EML1: variants seen among roughly 807,000 people sequenced by gnomAD.
EML1 encodes the protein EMAP like 1, also known as echinoderm microtubule-associated protein-like 1.
A neutral mutation model predicts 110.4 loss-of-function variants in EML1; 27 were observed. The observed-to-expected ratio is 0.24, with a 90% confidence interval of 0.18 to 0.34. The LOEUF (loss-of-function observed/expected upper bound fraction) is 0.34. EML1 is among the 10% of genes least tolerant of loss of function. EML1 has a pLI of 1.00. For missense variants in EML1, 741 were observed against 1,030.9 expected (o/e 0.72, Z 3.85); for synonymous variants, 344 against 385.8 (o/e 0.89, Z 1.27).
At chr14:99,890,601 G>A (rs10162352) in intron 4 of EML1, among the ~76,000 whole-genome samples, 4,732 of 152,240 alleles carry the variant, frequency 0.031, 235 homozygotes, top group African/African-American at 0.11. Flanking sequence ...CTGTCATGGG[G>A]TGGTCTCACC....
At chr14:99,855,134 A>C (rs1595384486) in intron 2 of EML1, among the ~76,000 whole-genome samples, 2 of 152,234 alleles carry the variant, frequency 1.3e-5, no homozygotes, top group African/African-American at 4.8e-5. Flanking sequence ...TACGCATTAC[A>C]TTGAGTCAAA....
At position 99,920,829 on chromosome 14, in the gene EML1, G is replaced by A. The variant is rs761460826; in HGVS notation, c.1861G>A (p.Val621Ile). ...CACAGAAACAAAAGACTTGGTCACC[G>A]TTCACACAGATGGAAACGAACAGCT... The part of the protein sequence containing the change: ...FDTETKDLVT[V>I]HTDGNEQLSV... Residue 621 changes from valine (V) to isoleucine (I), a missense_variant, in exon 17 of 22, where the codon GTT becomes ATT. Val to Ile is a conservative substitution (Grantham distance 29). This residue lies in a region of EML1 where 388 missense variants were observed against 605.6 expected (regional missense o/e 0.64). Coordinates refer to ENST00000262233, the MANE Select transcript of EML1 (RefSeq NM_004434.3). 1.4e-5 allele frequency: 23 copies of A among 1,613,724 alleles called. No homozygotes were observed. The highest frequency in any genetic ancestry group is 3.3e-4 in the Middle Eastern group (2 of 6,084).
At chr14:99,816,203 G>A (rs932296434) in intron 1 of EML1, among the ~76,000 whole-genome samples, 4 of 152,198 alleles carry the variant, frequency 2.6e-5, no homozygotes, top group Non-Finnish European at 4.4e-5. Flanking sequence ...TCACTCTGTC[G>A]CCCAGGCTGC....
intron 1 of EML1, among the ~76,000 whole-genome samples, chr14:99,820,292 A>G (rs1051041485): frequency 3.9e-5 from 6 of 152,240 alleles, no homozygotes; most frequent in South Asian, 2.1e-4. Context: ...AGTGAATTGT[A>G]TGGCACGTTG....
chr14:99,878,819 G>A (rs575229600), intron 4 of EML1, among the ~76,000 whole-genome samples, 200 bp downstream of exon 4: 9 of 142,862 alleles, frequency 6.3e-5, no homozygotes, highest in Non-Finnish European at 1.1e-4. Context: ...ACAAACTACC[G>A]TCCAGGTGGA....
chr14:99,894,427 CAGA>C, intron 5 of EML1, 199 bp from the exon 6 acceptor site: 1 of 487,962 alleles, frequency 2.0e-6, no homozygotes, highest in East Asian at 4.1e-5. Context: ...CTTAAGTAAA[CAGA>C]ATATCAAAAG....
At chr14:99,803,999 G>A (rs1484402652) in intron 1 of EML1, among the ~76,000 whole-genome samples, 1 of 152,178 alleles carries the variant, frequency 6.6e-6, no homozygotes, top group African/African-American at 2.4e-5. Flanking sequence ...GCTCCCAGGG[G>A]ACTGTATGGA....
chr14:99,749,680 T>C (rs1375955621), intron 1 of EML1, among the ~76,000 whole-genome samples: 1 of 152,184 alleles, frequency 6.6e-6, no homozygotes, highest in Non-Finnish European at 1.5e-5. Flanking sequence ...CAAACCCATG[T>C]AGACAGGGAC....
At chr14:99,924,564 G>A (rs2060199449) in intron 17 of EML1, among the ~76,000 whole-genome samples, 2 of 152,168 alleles carry the variant, frequency 1.3e-5, no homozygotes, top group South Asian at 4.1e-4. Context: ...TCAGAATACT[G>A]TATTATACGT....
At chr14:99,808,418 TTTC>T (rs1261776152) in intron 1 of EML1, among the ~76,000 whole-genome samples, 1 of 152,178 alleles carries the variant, frequency 6.6e-6, no homozygotes, top group Non-Finnish European at 1.5e-5. Context: ...ACCAGAAACA[TTTC>T]TTCATTGTGT....
intron 1 of EML1, chr14:99,838,916 C>CGCGCGCGT (rs1566891423): frequency 2.4e-5 from 1 of 41,744 alleles, no homozygotes; most frequent in Non-Finnish European, 5.9e-5. Flanking sequence ...TGCGCGCGCG[C>CGCGCGCGT]GCGTGTGTGT....
At chr14:99,865,037 A>G (rs571945798) in intron 2 of EML1, among the ~76,000 whole-genome samples, 3 of 152,228 alleles carry the variant, frequency 2.0e-5, no homozygotes, top group African/African-American at 7.2e-5. Flanking sequence ...CAAGCATGGT[A>G]CATTTATTGT....
At chr14:99,856,577 A>C (rs1421024180) in intron 2 of EML1, among the ~76,000 whole-genome samples, 1 of 152,204 alleles carries the variant, frequency 6.6e-6, no homozygotes, top group Non-Finnish European at 1.5e-5. Context: ...TTCTCCTTAC[A>C]AATTGGCAAA....
Position 99,798,392 on chromosome 14 carries a change from C to CTT in EML1, c.67+4865_67+4866dup, listed in dbSNP as rs374969316. On this transcript the variant is annotated intron_variant, in intron 1 of 21. Coordinates refer to ENST00000262233, the MANE Select transcript of EML1 (RefSeq NM_004434.3). ...CACCTCCCTTATTCCAAAGTCTATACTTTTTTTTTTTTTTTTTCGAGACAG... is the reference window on the plus strand; with the variant it reads ...CACCTCCCTTATTCCAAAGTCTATACTTTTTTTTTTTTTTTTTTTCGAGACAG... Among the ~76,000 whole-genome samples, 452 of 130,978 alleles carry CTT rather than the reference C, an allele frequency of 3.5e-3. 11 individuals carry two copies. The highest frequency in any genetic ancestry group is 0.01 in the South Asian group (41 of 4,022). 85.9% of individuals were successfully genotyped at this position (130,978 alleles called of 152,430 possible). A position where few individuals can be genotyped will look rare whatever the true frequency, so the allele number is the denominator to read the frequency against.
At chr14:99,783,683 C>A (rs1384185663) in intron 1 of EML1, among the ~76,000 whole-genome samples, 1 of 150,020 alleles carries the variant, frequency 6.7e-6, no homozygotes, top group Non-Finnish European at 1.5e-5. Context: ...AGGGGTTTCA[C>A]CACATTGGCC....
chr14:99,768,152 A>G (rs544223309), upstream of EML1, among the ~76,000 whole-genome samples: 2 of 152,332 alleles, frequency 1.3e-5, no homozygotes, highest in East Asian at 1.9e-4. Flanking sequence ...AAGGGTGCAC[A>G]TTGAATGTAA....
At chr14:99,898,149 AT>A in intron 7 of EML1, 83 bp from the exon 8 acceptor site, 1 of 1,176,526 alleles carries the variant, frequency 8.5e-7, no homozygotes, top group Non-Finnish European at 1.2e-6. Flanking sequence ...TTATATTTAA[AT>A]TTTTGACTAG....
At position 99,851,048 on chromosome 14, in the gene EML1, G is replaced by A. The variant is rs1251306275; in HGVS notation, c.250+13G>A. 1 of 1,604,066 alleles carries A rather than the reference G, an allele frequency of 6.2e-7. No homozygotes were observed. Among genetic ancestry groups the A allele is most frequent in the South Asian group, 1.1e-5 (1 of 90,708 alleles). On this transcript the variant is annotated intron_variant, in intron 2 of 21. Coordinates refer to ENST00000262233, the MANE Select transcript of EML1 (RefSeq NM_004434.3). ...GGACCTACCAAAGGTGGGCGTTTGA[G>A]TGACACAGGAACTTCAGTAGAATTG...
At chr14:99,740,740 C>A (rs2057032611) in intron 1 of EML1, among the ~76,000 whole-genome samples, 1 of 152,150 alleles carries the variant, frequency 6.6e-6, no homozygotes, top group Admixed American at 6.5e-5. Flanking sequence ...CCTTTCTAAG[C>A]CTCAGTTTCT....
Sources: gnomAD v4.1 joint callset for allele counts (sites outside exome capture counted in the v4.1 genomes callset) on GRCh38, gnomAD v4.1.1 for gene constraint, gnomAD v4.1.1 regional missense constraint, MANE v1.5 for transcripts, NCBI Gene and HGNC (gene_info 2026-07-23, HGNC 2026-07-21) for gene names.